The following RASA1 variants were observed in gnomAD, a reference collection of about 807,000 sequenced individuals.
RASA1 encodes RAS p21 protein activator 1, also known as ras GTPase-activating protein 1.
A neutral mutation model predicts 132.2 loss-of-function variants in RASA1; 25 were observed. The ratio of observed to expected loss-of-function variants is 0.19; its 90% CI spans 0.14 to 0.26. The LOEUF is 0.26. Ranked by LOEUF, RASA1 falls within the 10% of genes least tolerant of loss-of-function variation. RASA1 has a pLI of 1.00. For missense variants in RASA1, 964 were observed against 1,299.2 expected, an observed-to-expected ratio of 0.74 and a Z score of 3.97; for synonymous variants, 477 against 449.9, an observed-to-expected ratio of 1.06 and a Z score of -0.76.
chr5:87,287,271 G>T (rs182279613), intron 1 of RASA1, among the ~76,000 whole-genome samples: 2 of 108,550 alleles, frequency 1.8e-5, no homozygotes, highest in African/African-American at 3.7e-5. Context: ...CATATACACC[G>T]TATATATACA....
chr5:87,360,230 G>A (rs375050186), intron 9 of RASA1, among the ~76,000 whole-genome samples: 8 of 151,208 alleles, frequency 5.3e-5, no homozygotes, highest in Middle Eastern at 3.4e-3. Flanking sequence ...GGGTTCAAGC[G>A]ATTCTCCTCC....
At chr5:87,279,224 CAG>C (rs1349028339) in intron 1 of RASA1, among the ~76,000 whole-genome samples, 1 of 152,144 alleles carries the variant, frequency 6.6e-6, no homozygotes, top group Non-Finnish European at 1.5e-5. Context: ...GCCTGGGTGA[CAG>C]AATGATAACC....
At chr5:87,314,432 T>C (rs918117738) in intron 1 of RASA1, among the ~76,000 whole-genome samples, 4 of 151,968 alleles carry the variant, frequency 2.6e-5, no homozygotes, top group African/African-American at 9.7e-5. Context: ...GTTGTAGGAA[T>C]AGAGAACATA....
intron 1 of RASA1, among the ~76,000 whole-genome samples, chr5:87,310,167 TTTAAG>T: frequency 6.6e-6 from 1 of 152,264 alleles, no homozygotes; most frequent in South Asian, 2.1e-4. Flanking sequence ...TGTGAATAAC[TTTAAG>T]TTATATGTAA....
At chr5:87,320,845 C>T (rs1006344952) in intron 1 of RASA1, among the ~76,000 whole-genome samples, 1 of 152,192 alleles carries the variant, frequency 6.6e-6, no homozygotes, top group East Asian at 1.9e-4. Flanking sequence ...ATGATGACTG[C>T]ATTGTGAAAA....
chr5:87,306,176 A>T (rs112605959), intron 1 of RASA1, among the ~76,000 whole-genome samples: 4,833 of 152,310 alleles, frequency 0.032, 159 homozygotes, highest in African/African-American at 0.074. Flanking sequence ...ATGTATGTTC[A>T]TTGCAGCACT....
intron 6 of RASA1, among the ~76,000 whole-genome samples, chr5:87,344,537 G>A (rs1580315364): frequency 6.6e-6 from 1 of 151,870 alleles, no homozygotes; most frequent in Non-Finnish European, 1.5e-5. Context: ...TTAGAGATAG[G>A]TTCTTGCCAT....
chr5:87,314,741 A>T (rs958243228), intron 1 of RASA1, among the ~76,000 whole-genome samples: 2 of 146,796 alleles, frequency 1.4e-5, no homozygotes, highest in East Asian at 2.0e-4. Context: ...ATGGTCATTT[A>T]AAAAAAAAAA....
chr5:87,373,846 A>C (rs1278357303), intron 13 of RASA1, among the ~76,000 whole-genome samples: 1 of 152,072 alleles, frequency 6.6e-6, no homozygotes, highest in Non-Finnish European at 1.5e-5. Context: ...TTTTCTTCTT[A>C]ACTTCATTTT....
chr5:87,339,340 C>G (rs1758270212), intron 5 of RASA1, among the ~76,000 whole-genome samples: 2 of 152,100 alleles, frequency 1.3e-5, no homozygotes, highest in Non-Finnish European at 2.9e-5. Flanking sequence ...ATTAGGACTC[C>G]TAATTCCTAG....
intron 1 of RASA1, among the ~76,000 whole-genome samples, chr5:87,321,427 C>T (rs942047401): frequency 6.6e-6 from 1 of 152,184 alleles, no homozygotes; most frequent in African/African-American, 2.4e-5. Context: ...GTCTTGGGGT[C>T]TGGGCCCTCC....
At chr5:87,386,081 C>T (rs1000910654) in intron 22 of RASA1, among the ~76,000 whole-genome samples, 27 of 152,122 alleles carry the variant, frequency 1.8e-4, no homozygotes, top group African/African-American at 5.5e-4. Flanking sequence ...CTCCTCACAG[C>T]CTTGCCAGAA....
intron 8 of RASA1, 24 bp downstream of exon 8, chr5:87,349,388 C>G (rs768564148): frequency 6.2e-7 from 1 of 1,609,774 alleles, no homozygotes; most frequent in Non-Finnish European, 8.5e-7. Flanking sequence ...TTTTAGCTAT[C>G]TTTTACTTTT....
chr5:87,389,569 A>G (rs759622865), intron 24 of RASA1, 42 bp downstream of exon 24: 3 of 1,606,622 alleles, frequency 1.9e-6, no homozygotes, highest in East Asian at 2.2e-5. Context: ...TGTTTCAAAG[A>G]TAACACTTAG....
chr5:87,346,510 G>A (rs1023212547), intron 6 of RASA1, among the ~76,000 whole-genome samples, 162 bp from the exon 7 acceptor site: 2 of 151,806 alleles, frequency 1.3e-5, no homozygotes, highest in African/African-American at 4.8e-5. Flanking sequence ...AGTATAATAT[G>A]TATATAAAAT....
chr5:87,281,327 C>A (rs545295670), intron 1 of RASA1, among the ~76,000 whole-genome samples: 1 of 151,256 alleles, frequency 6.6e-6, no homozygotes, highest in Non-Finnish European at 1.5e-5. Context: ...ACTGCAATCT[C>A]GTCTCACTGC....
intron 1 of RASA1, among the ~76,000 whole-genome samples, chr5:87,290,584 A>T (rs553166897): frequency 2.6e-5 from 4 of 152,200 alleles, no homozygotes; most frequent in Non-Finnish European, 5.9e-5. Flanking sequence ...CATGTATCCC[A>T]CATTGTGGTG....
chr5:87,317,374 C>T (rs192305830), intron 1 of RASA1, among the ~76,000 whole-genome samples: 138 of 152,216 alleles, frequency 9.1e-4, no homozygotes, highest in African/African-American at 3.0e-3. Context: ...TAGGGAGAAT[C>T]AAAATTACAT....
At chr5:87,362,190 T>C (rs193216646) in intron 9 of RASA1, among the ~76,000 whole-genome samples, 1 of 152,372 alleles carries the variant, frequency 6.6e-6, no homozygotes, top group Non-Finnish European at 1.5e-5. Flanking sequence ...TATGCTTACA[T>C]TGGTTCCTAA....
Sources: gnomAD v4.1 joint callset for allele counts (sites outside exome capture counted in the v4.1 genomes callset) on GRCh38, gnomAD v4.1.1 for gene constraint, MANE v1.5 for transcripts, NCBI Gene and HGNC (gene_info 2026-07-23, HGNC 2026-07-21) for gene names.